The following SNAPC3 variants were observed in gnomAD, a reference collection of about 807,000 sequenced individuals.
SNAPC3 encodes the protein small nuclear RNA activating complex polypeptide 3, also known as snRNA-activating protein complex subunit 3.
In SNAPC3, 56 loss-of-function variants were observed where a neutral mutation model predicts 47.7. The ratio of observed to expected loss-of-function variants is 1.18; its 90% CI spans 0.95 to 1.47. The LOEUF is 1.47. Among genes scored for constraint, SNAPC3 ranks in the 40% most tolerant of loss-of-function variants. The probability of loss-of-function intolerance (pLI) is 0.00; values close to 1 mark genes in which losing one functional copy is unlikely to be tolerated. For synonymous variants in SNAPC3, 235 were observed against 189.9 expected (o/e 1.24, Z -1.95); for missense variants, 665 against 511.3 (o/e 1.30, Z -2.90).
chr9:15,451,035 G>A (rs2034346016), intron 5 of SNAPC3, among the ~76,000 whole-genome samples: 2 of 152,136 alleles, frequency 1.3e-5, no homozygotes, highest in Admixed American at 6.5e-5. Context: ...ACTTTGTTTA[G>A]GTTTTAGTTC....
intron 7 of SNAPC3, among the ~76,000 whole-genome samples, chr9:15,457,658 C>A (rs975081664): frequency 6.6e-6 from 1 of 152,212 alleles, no homozygotes; most frequent in African/African-American, 2.4e-5. Flanking sequence ...AGAATACATT[C>A]AAGAAATGCT....
intron 7 of SNAPC3, among the ~76,000 whole-genome samples, chr9:15,454,512 C>G (rs2034627010): frequency 6.6e-6 from 1 of 152,204 alleles, no homozygotes; most frequent in South Asian, 2.1e-4. Flanking sequence ...GAGATTTGAT[C>G]AAGGGTCTGG....
chr9:15,445,991 A>G (rs1346822445), intron 4 of SNAPC3, among the ~76,000 whole-genome samples: 2 of 152,180 alleles, frequency 1.3e-5, no homozygotes, highest in East Asian at 3.8e-4. Context: ...ATAAAAAGAA[A>G]CCAAACCAAA....
chr9:15,426,633 C>G (rs2031437417), intron 2 of SNAPC3, among the ~76,000 whole-genome samples: 1 of 152,150 alleles, frequency 6.6e-6, no homozygotes, highest in Non-Finnish European at 1.5e-5. Flanking sequence ...TTAAAGCAGA[C>G]TCTTTTTTGC....
intron 1 of SNAPC3, 63 bp from the exon 2 acceptor site, chr9:15,423,846 C>A: frequency 1.0e-6 from 1 of 970,602 alleles, no homozygotes; most frequent in Non-Finnish European, 1.5e-6. Context: ...GAAAACAACC[C>A]TAACTCGCTG....
intron 3 of SNAPC3, among the ~76,000 whole-genome samples, chr9:15,436,078 A>G (rs372286454): frequency 6.6e-6 from 1 of 152,308 alleles, no homozygotes; most frequent in East Asian, 1.9e-4. Flanking sequence ...TCCTGACCTC[A>G]GGTGATCCAT....
At chr9:15,448,053 C>T (rs1196126606) in intron 5 of SNAPC3, among the ~76,000 whole-genome samples, 3 of 152,120 alleles carry the variant, frequency 2.0e-5, no homozygotes, top group Non-Finnish European at 4.4e-5. Context: ...ACAACTCTGG[C>T]AGAGGGCCTC....
intron 3 of SNAPC3, among the ~76,000 whole-genome samples, chr9:15,435,398 C>A (rs546179617): frequency 1.3e-5 from 2 of 152,216 alleles, no homozygotes; most frequent in East Asian, 3.9e-4. Flanking sequence ...CATGGCGAAA[C>A]CCTGTCTCTA....
At position 15,461,056 on chromosome 9, in the gene SNAPC3, AAAAT is replaced by A. The variant is rs1342815334; in HGVS notation, c.*1193_*1196del. On this transcript the variant is annotated 3_prime_UTR_variant, in exon 9 of 9. Transcript: ENST00000380821. Reference sequence around the variant, plus strand: ...CAAAATTATATAAGCAAAAAGAAAAAAAATAAGTTTTCCTGGCCCAGGTCTTCCA... The same window carrying A: ...CAAAATTATATAAGCAAAAAGAAAAAAAGTTTTCCTGGCCCAGGTCTTCCA... 6.6e-6 allele frequency: 1 copy of A among 152,216 alleles called. No individual in the cohort carries two copies. Among genetic ancestry groups the A allele is most frequent in the African/African-American group, 2.4e-5 (1 of 41,544 alleles). The allele number at this position is 152,216 out of a possible 1,614,324, so 9.4% of individuals were successfully genotyped here. A position where few individuals can be genotyped will look rare whatever the true frequency, so the allele number is the denominator to read the frequency against.
chr9:15,447,376 C>A (rs2034025043), intron 5 of SNAPC3, 132 bp downstream of exon 5: 5 of 743,046 alleles, frequency 6.7e-6, no homozygotes, highest in African/African-American at 3.5e-5. Context: ...TACACTATCT[C>A]ATTCCTTCCC....
chr9:15,459,579 A>G, intron 8 of SNAPC3, 140 bp from the exon 9 acceptor site: 1 of 649,672 alleles, frequency 1.5e-6, no homozygotes, highest in South Asian at 2.2e-5. Context: ...TATGTATACA[A>G]AATTAAGGGA....
rs575518516 is a variant in SNAPC3, at chr9:15,444,596, C to T, written c.478-6C>T. ...CTGATTTCAGTGTCTCTTTTTCTTT[C>T]TTCAGGAGTCACATGCCATAGGAAA... On this transcript the variant is annotated splice_region_variant and splice_polypyrimidine_tract_variant and intron_variant, in intron 3 of 8. Coordinates refer to ENST00000380821, the MANE Select transcript of SNAPC3 (RefSeq NM_001039697.2). The T allele has an allele frequency of 5.1e-4, 803 of 1,570,936 alleles. 15 individuals are homozygous for T. In the South Asian group the frequency reaches 8.6e-3, roughly 17 times the overall value.
chr9:15,459,424 G>A (rs1357320129), intron 8 of SNAPC3, among the ~76,000 whole-genome samples: 1 of 152,128 alleles, frequency 6.6e-6, no homozygotes, highest in Admixed American at 6.5e-5. Context: ...TAGGTATGTC[G>A]TGGCAAATGT....
intron 2 of SNAPC3, among the ~76,000 whole-genome samples, chr9:15,427,970 G>T (rs372243906): frequency 6.6e-6 from 1 of 151,952 alleles, no homozygotes; most frequent in Non-Finnish European, 1.5e-5. Flanking sequence ...CATTAGCTGG[G>T]CGTGGTGGCA....
chr9:15,432,456 C>T (rs1421566241), intron 2 of SNAPC3, among the ~76,000 whole-genome samples: 3 of 151,996 alleles, frequency 2.0e-5, no homozygotes, highest in African/African-American at 4.8e-5. Context: ...GTGGTTGATT[C>T]CGGGGACGAG....
At chr9:15,452,592 A>G (rs1263621378) in intron 6 of SNAPC3, among the ~76,000 whole-genome samples, 1 of 152,222 alleles carries the variant, frequency 6.6e-6, no homozygotes, top group Non-Finnish European at 1.5e-5. Context: ...TGCTGGGATT[A>G]CAGGTGTGAG....
Position 15,455,325 on chromosome 9 carries a change from G to A in SNAPC3, c.980+2120G>A, listed in dbSNP as rs57247003. On this transcript the variant is annotated intron_variant, in intron 7 of 8. Transcript: ENST00000380821. ...CTCATGCCTGTAATCCCAGCACTTC[G>A]GGAGGCCAAGGTGGCCAGATTACTT... Among the ~76,000 whole-genome samples the A allele has an allele frequency of 3.6e-3, 547 of 152,220 alleles. 2 individuals are homozygous for A. Among genetic ancestry groups the A allele is most frequent in the African/African-American group, 0.012 (498 of 41,546 alleles).
At chr9:15,433,689 C>T in intron 3 of SNAPC3, 53 bp downstream of exon 3, 1 of 1,148,638 alleles carries the variant, frequency 8.7e-7, no homozygotes, top group Non-Finnish European at 1.3e-6. Context: ...AGTAAACCGA[C>T]ATTGGCTGAG....
chr9:15,439,020 T>C (rs368674427), intron 3 of SNAPC3, among the ~76,000 whole-genome samples: 2 of 152,254 alleles, frequency 1.3e-5, no homozygotes, highest in African/African-American at 4.8e-5. Flanking sequence ...ATTTTACTTA[T>C]GTTTTTTGAG....
Sources: gnomAD v4.1 joint callset for allele counts (sites outside exome capture counted in the v4.1 genomes callset) on GRCh38, gnomAD v4.1.1 for gene constraint, MANE v1.5 for transcripts, NCBI Gene and HGNC (gene_info 2026-07-23, HGNC 2026-07-21) for gene names.